Variants in DOCK8 observed in about 807,000 individuals in gnomAD.
DOCK8 encodes dedicator of cytokinesis protein 8.
In DOCK8, 141 loss-of-function variants were observed where a neutral mutation model predicts 245.6. That is an observed-to-expected ratio of 0.57 (90% CI 0.50 to 0.66). The LOEUF is 0.66. Among genes scored for constraint, DOCK8 ranks in the 30% least tolerant of loss-of-function variants. The pLI, the probability that DOCK8 is intolerant of heterozygous loss-of-function variation, is 0.00. For synonymous variants in DOCK8, 1,168 were observed against 970.2 expected, an observed-to-expected ratio of 1.20 and a Z score of -3.79; for missense variants, 2,965 against 2,603.4, an observed-to-expected ratio of 1.14 and a Z score of -3.02.
At chr9:269,882 G>A (rs1424727019) in intron 1 of DOCK8, among the ~76,000 whole-genome samples, 1 of 152,040 alleles carries the variant, frequency 6.6e-6, no homozygotes, top group African/African-American at 2.4e-5. Flanking sequence ...ATTTCTCCTG[G>A]GTAAATACCT....
At chr9:305,390 C>G (rs919969173) in intron 5 of DOCK8, among the ~76,000 whole-genome samples, 7 of 151,490 alleles carry the variant, frequency 4.6e-5, no homozygotes, top group African/African-American at 1.7e-4. Flanking sequence ...TCACGCCATT[C>G]TGCTGCCTCA....
In DOCK8 at chr9:400,010, C is replaced by T. The variant is rs1212801226; in HGVS notation, c.3234+751C>T. On this transcript the variant is annotated intron_variant, in intron 26 of 47. Coordinates refer to ENST00000432829, the MANE Select transcript of DOCK8 (RefSeq NM_203447.4). ...CCTCCCACCACCTCCACCACCTCCA[C>T]CATCACCACCACCTCCACCATCACC... 3.0e-4 allele frequency among the ~76,000 whole-genome samples: 29 copies of T among 97,760 alleles called. 1 individual carries two copies. The highest frequency in any genetic ancestry group is 9.6e-4 in the African/African-American group (28 of 29,316). 64.1% of individuals were successfully genotyped at this position (97,760 alleles called of 152,430 possible).
At chr9:314,762 T>G (rs888295303) in intron 6 of DOCK8, among the ~76,000 whole-genome samples, 6 of 152,196 alleles carry the variant, frequency 3.9e-5, no homozygotes, top group African/African-American at 1.2e-4. Context: ...TTCTGCCTAC[T>G]CTGACATGAT....
intron 38 of DOCK8, among the ~76,000 whole-genome samples, chr9:434,435 A>C (rs1391874269): frequency 6.6e-6 from 1 of 152,170 alleles, no homozygotes; most frequent in Non-Finnish European, 1.5e-5. Context: ...ACATCATACA[A>C]AGGGCAGTAC....
At chr9:235,840 C>T (rs756796058) in intron 1 of DOCK8, among the ~76,000 whole-genome samples, 3 of 152,202 alleles carry the variant, frequency 2.0e-5, no homozygotes, top group Non-Finnish European at 4.4e-5. Context: ...TCCCTGACCC[C>T]TTGCACTTCC....
At position 368,153 on chromosome 9, in the gene DOCK8, C is replaced by T. The variant is rs775254505; in HGVS notation, c.1797+18C>T. On this transcript the variant is annotated intron_variant, in intron 15 of 47. Coordinates refer to ENST00000432829, the MANE Select transcript of DOCK8 (RefSeq NM_203447.4). ...CGATGCCGGTAAGGAGGGAAACGAA[C>T]ATTTGCCTCAAATCAGGGTGGGCTG... The T allele has an allele frequency of 6.2e-7, 1 of 1,602,668 alleles. No individual in the cohort carries two copies. Among genetic ancestry groups the T allele is most frequent in the Non-Finnish European group, 8.6e-7 (1 of 1,169,482 alleles).
intron 2 of DOCK8, among the ~76,000 whole-genome samples, chr9:284,995 G>A (rs2048754051): frequency 2.0e-5 from 3 of 152,058 alleles, no homozygotes; most frequent in Admixed American, 1.3e-4. Flanking sequence ...ATGTGGTCCT[G>A]GGCTTAATAC....
At chr9:361,108 A>G (rs1380011987) in intron 14 of DOCK8, among the ~76,000 whole-genome samples, 1 of 152,224 alleles carries the variant, frequency 6.6e-6, no homozygotes, top group Non-Finnish European at 1.5e-5. Context: ...TTGAGGCTGC[A>G]GTAAGCTGTG....
Position 289,562 on chromosome 9 carries a change from TG to T in DOCK8, c.387del (p.Trp129CysfsTer2). The part of the protein sequence containing the change: ...RDCVQTYIRE[W>X]LIVNRKNQGS... ...CTGTGTTCAGACCTACATCCGTGAG[TG>T]GCTAATCGTGAACCGGAAGTAAGTT... On this transcript the variant is annotated frameshift_variant, in exon 4 of 48. Coordinates refer to ENST00000432829, the MANE Select transcript of DOCK8 (RefSeq NM_203447.4). LOFTEE classifies it high-confidence loss of function. 1 of 1,611,848 alleles carries T rather than the reference TG, an allele frequency of 6.2e-7. No homozygotes were observed. Among genetic ancestry groups the T allele is most frequent in the Non-Finnish European group, 8.5e-7 (1 of 1,178,878 alleles).
intron 10 of DOCK8, among the ~76,000 whole-genome samples, chr9:333,488 C>A (rs1046592189): frequency 6.6e-6 from 1 of 152,010 alleles, no homozygotes; most frequent in African/African-American, 2.4e-5. Context: ...GTATTCCCAG[C>A]TTCTCAGGAG....
intron 46 of DOCK8, among the ~76,000 whole-genome samples, chr9:461,815 T>A (rs1008518484): frequency 1.3e-5 from 2 of 152,106 alleles, no homozygotes; most frequent in African/African-American, 4.8e-5. Flanking sequence ...GTGCTGGGAT[T>A]ACAGGCATGA....
intron 1 of DOCK8, among the ~76,000 whole-genome samples, chr9:266,819 A>C (rs1330256899): frequency 2.6e-5 from 4 of 152,210 alleles, no homozygotes; most frequent in Non-Finnish European, 5.9e-5. Context: ...AACTATTTTG[A>C]GTTCCTTAGA....
At chr9:437,581 A>C (rs748479922) in intron 39 of DOCK8, among the ~76,000 whole-genome samples, 1 of 152,244 alleles carries the variant, frequency 6.6e-6, no homozygotes. Flanking sequence ...GGAGGAAAGA[A>C]TTCTAGACAG....
rs555188949 is a variant in DOCK8 at position 464,564 on chromosome 9, T to C, written c.*345T>C. On this transcript the variant is annotated 3_prime_UTR_variant, in exon 48 of 48. Transcript: ENST00000432829. ...CTGAGAGATGATTTCCTCTGGCCCA[T>C]ATTTGAATTTATTGGAGTAACTCAA... 8.2e-5 allele frequency: 28 copies of C among 340,526 alleles called. No individual in the cohort carries two copies. In the South Asian group the frequency reaches 9.2e-4, roughly 11 times the overall value. The allele number at this position is 340,526 out of a possible 1,614,324, so 21.1% of individuals were successfully genotyped here.
chr9:423,205 A>G (rs1320269358), intron 33 of DOCK8, among the ~76,000 whole-genome samples: 2 of 152,188 alleles, frequency 1.3e-5, no homozygotes, highest in South Asian at 2.1e-4. Context: ...TAAAGAAATG[A>G]AAGAATAAAA....
chr9:274,087 G>T (rs558045766), intron 2 of DOCK8, among the ~76,000 whole-genome samples: 1 of 152,258 alleles, frequency 6.6e-6, no homozygotes, highest in South Asian at 2.1e-4. Flanking sequence ...GGAAAATAAT[G>T]CTTAATATCT....
chr9:401,592 A>G (rs1034485277), intron 26 of DOCK8, among the ~76,000 whole-genome samples: 10 of 152,286 alleles, frequency 6.6e-5, no homozygotes, highest in African/African-American at 2.4e-4. Context: ...TAAATGGATG[A>G]AAATCTGCTT....
intron 7 of DOCK8, among the ~76,000 whole-genome samples, chr9:319,993 A>C (rs2050515656): frequency 6.6e-6 from 1 of 152,240 alleles, no homozygotes; most frequent in Non-Finnish European, 1.5e-5. Flanking sequence ...CTCCCTCAAG[A>C]GATTCTGGTT....
chr9:333,592 C>T (rs62533431), intron 10 of DOCK8, among the ~76,000 whole-genome samples: 1 of 139,276 alleles, frequency 7.2e-6, no homozygotes, highest in African/African-American at 2.9e-5. Context: ...CAGAGTGAGA[C>T]TCTGTCTCAA....
Sources: gnomAD v4.1 joint callset for allele counts (sites outside exome capture counted in the v4.1 genomes callset) on GRCh38, gnomAD v4.1.1 for gene constraint, MANE v1.5 for transcripts, NCBI Gene and HGNC (gene_info 2026-07-23, HGNC 2026-07-21) for gene names.